The following TBC1D12 variants were observed in gnomAD, a reference collection of about 807,000 sequenced individuals.
The protein encoded by TBC1D12 is TBC1 domain family member 12.
A neutral mutation model predicts 86.7 loss-of-function variants in TBC1D12; 56 were observed. The observed-to-expected ratio is 0.65, with a 90% CI of 0.52 to 0.81. The LOEUF (loss-of-function observed/expected upper bound fraction) is 0.81. Ranked by LOEUF, TBC1D12 falls within the 30% of genes least tolerant of loss-of-function variation. The pLI, the probability that TBC1D12 is intolerant of heterozygous loss-of-function variation, is 0.00. For missense variants in TBC1D12, 1,023 were observed against 1,038.8 expected, an observed-to-expected ratio of 0.98 and a Z score of 0.21; for synonymous variants, 421 against 411.7, an observed-to-expected ratio of 1.02 and a Z score of -0.27.
At position 94,403,132 on chromosome 10, in the gene TBC1D12, C is replaced by T. The variant is rs1564930704; in HGVS notation, c.519C>T (p.Arg173=). 3 of 1,397,952 alleles carry T rather than the reference C, an allele frequency of 2.1e-6. No homozygotes were observed. The East Asian group carries it at 9.2e-5, about 43-fold the overall frequency. 86.6% of individuals were successfully genotyped at this position (1,397,952 alleles called of 1,614,324 possible). A position where few individuals can be genotyped will look rare whatever the true frequency, so the allele number is the denominator to read the frequency against. The change falls in exon 1 of 13, where the codon CGC becomes CGT. Residue 173 remains arginine, a synonymous_variant. Coordinates refer to ENST00000225235, the MANE Select transcript of TBC1D12 (RefSeq NM_015188.2). ...GCCGCCGCCCCTACGGCCGCCTTCG[C>T]CTGGAGGGGCCTGGCGACGAGGACG... The part of the protein sequence containing the change: ...SRRRRPYGRL[R]LEGPGDEDAD...
chr10:94,432,270 G>C (rs1486129082), intron 1 of TBC1D12, among the ~76,000 whole-genome samples: 1 of 152,064 alleles, frequency 6.6e-6, no homozygotes, highest in Non-Finnish European at 1.5e-5. Flanking sequence ...AAGGGATGGG[G>C]CGTCAAAAGA....
chr10:94,480,467 A>T (rs962775541), intron 3 of TBC1D12, among the ~76,000 whole-genome samples: 2 of 152,110 alleles, frequency 1.3e-5, no homozygotes, highest in African/African-American at 4.8e-5. Flanking sequence ...CACCATATCA[A>T]CTAGCCAACA....
rs926008229 is a variant in TBC1D12 at position 94,524,823 on chromosome 10, T to A, written c.2000+2370T>A. On this transcript the variant is annotated intron_variant, in intron 11 of 12. Transcript: ENST00000225235. ...TTTTATTTTTTCGTTCATTAAAAAA[T>A]TTTTTTTTTATTTTTTATTTTTTGA... Among the ~76,000 whole-genome samples, 80 of 151,026 alleles carry A rather than the reference T, an allele frequency of 5.3e-4. 1 individual carries two copies. The highest frequency in any genetic ancestry group is 1.9e-3 in the East Asian group (10 of 5,160).
rs778640334 is a variant in TBC1D12 at position 94,403,498 on chromosome 10, G to T, written c.885G>T (p.Pro295=). ...ARDHLPPAGP[P]VPLPAAEQGP... ...ATCACCTGCCCCCGGCGGGGCCGCC[G>T]GTGCCCTTGCCCGCCGCGGAGCAGG... Residue 295 remains proline (P), a synonymous_variant, in exon 1 of 13, where the codon CCG becomes CCT. Transcript: ENST00000225235. The T allele has an allele frequency of 2.6e-6, 4 of 1,549,528 alleles. No individual in the cohort carries two copies. The highest frequency in any genetic ancestry group is 1.4e-5 in the African/African-American group (1 of 71,222).
chr10:94,521,882 G>A, intron 9 of TBC1D12, 73 bp from the exon 10 acceptor site: 1 of 1,312,466 alleles, frequency 7.6e-7, no homozygotes, highest in East Asian at 2.5e-5. Context: ...TAATTTTTCA[G>A]GAGTACAATA....
intron 1 of TBC1D12, among the ~76,000 whole-genome samples, chr10:94,427,509 C>G (rs1207885040): frequency 6.6e-6 from 1 of 151,970 alleles, no homozygotes; most frequent in East Asian, 1.9e-4. Flanking sequence ...TAAATGTATT[C>G]TATTTTGTTC....
In TBC1D12 at chr10:94,459,805, C is replaced by T. The variant is rs1003373637; in HGVS notation, c.1096-14863C>T. Among the ~76,000 whole-genome samples, 6 of 152,182 alleles carry T rather than the reference C, an allele frequency of 3.9e-5. No homozygotes were observed. The East Asian group carries it at 9.7e-4, about 25-fold the overall frequency. ...CAGCAGCTCCAAGTGTGGGGCTTGCCGAGCCCGCACCCACCCGGAACTTGC... is the reference window on the plus strand; with the variant it reads ...CAGCAGCTCCAAGTGTGGGGCTTGCTGAGCCCGCACCCACCCGGAACTTGC... On this transcript the variant is annotated intron_variant, in intron 2 of 12. Transcript: ENST00000225235.
Position 94,402,773 on chromosome 10 carries a change from G to A in TBC1D12, c.160G>A (p.Glu54Lys). Residue 54 changes from glutamate to lysine, a missense_variant, in exon 1 of 13, where the codon GAG becomes AAG. By Grantham distance (56) the Glu-to-Lys change is moderately conservative. Around this residue, in one of 2 missense-constraint regions of TBC1D12, gnomAD observed 628 missense variants for 531.1 expected, o/e 1.18. Coordinates refer to ENST00000225235, the MANE Select transcript of TBC1D12 (RefSeq NM_015188.2). ...TGTGGAGCCGCCGGAGGAGGCTGAC[G>A]AGGAGGAGGAGGCTGACGAGGAGGA... ...GAVEPPEEAD[E>K]EEEADEEEET... The A allele has an allele frequency of 3.9e-6, 6 of 1,528,396 alleles. No homozygotes were observed. The African/African-American group carries it at 6.9e-5, about 18-fold the overall frequency. The allele number at this position is 1,528,396 out of a possible 1,614,324, so 94.7% of individuals were successfully genotyped here. A position where few individuals can be genotyped will look rare whatever the true frequency, so the allele number is the denominator to read the frequency against.
intron 1 of TBC1D12, among the ~76,000 whole-genome samples, chr10:94,413,029 A>G (rs966367606): frequency 2.0e-5 from 3 of 152,204 alleles, no homozygotes; most frequent in African/African-American, 4.8e-5. Flanking sequence ...GACTATAACC[A>G]CTGAAATACT....
chr10:94,467,986 C>G (rs2055849619), intron 2 of TBC1D12, among the ~76,000 whole-genome samples: 1 of 152,162 alleles, frequency 6.6e-6, no homozygotes, highest in South Asian at 2.1e-4. Context: ...TTTGCAGACC[C>G]CATGAAAGCA....
Position 94,403,219 on chromosome 10 carries a change from C to T in TBC1D12, c.606C>T (p.Cys202=). The change falls in exon 1 of 13, where the codon TGC becomes TGT. Residue 202 remains cysteine, a synonymous_variant. Transcript: ENST00000225235. ...CGCTTGAGGACCCGCTGCGGAGCTG[C>T]TGCCTGGTGGCCGCGGACGCCCAGG... is the stretch of plus-strand genomic sequence containing the variant. ...ASPLEDPLRS[C]CLVAADAQEP... 6.6e-7 allele frequency: 1 copy of T among 1,506,084 alleles called. No homozygotes were observed. The highest frequency in any genetic ancestry group is 8.9e-7 in the Non-Finnish European group (1 of 1,129,544). The allele number at this position is 1,506,084 out of a possible 1,614,324, so 93.3% of individuals were successfully genotyped here. A position where few individuals can be genotyped will look rare whatever the true frequency, so the allele number is the denominator to read the frequency against.
In TBC1D12 at chr10:94,486,046, CA is replaced by C. The variant is rs200585080; in HGVS notation, c.1212-7312del. The stretch of plus-strand genomic sequence containing the variant: ...GGTTTCTCAATTTTGTTTTTCTTTT[CA>C]AAAAAACCAACTTTTTGTTTTGTTG... On this transcript the variant is annotated intron_variant, in intron 3 of 12. Transcript: ENST00000225235. 7.9e-3 allele frequency among the ~76,000 whole-genome samples: 1,195 copies of C among 150,586 alleles called. 16 individuals are homozygous for C. The highest frequency in any genetic ancestry group is 0.028 in the African/African-American group (1,140 of 41,148).
intron 1 of TBC1D12, among the ~76,000 whole-genome samples, chr10:94,414,881 A>T (rs2054978433): frequency 6.6e-6 from 1 of 152,034 alleles, no homozygotes; most frequent in African/African-American, 2.4e-5. Flanking sequence ...ATTACAGGCA[A>T]ACTGAACTAT....
chr10:94,426,623 C>T (rs1443477863), intron 1 of TBC1D12, among the ~76,000 whole-genome samples: 1 of 152,196 alleles, frequency 6.6e-6, no homozygotes, highest in Non-Finnish European at 1.5e-5. Flanking sequence ...GTCACCCAGG[C>T]TGGAGTGCAG....
At chr10:94,445,692 A>C (rs2055452129) in intron 2 of TBC1D12, among the ~76,000 whole-genome samples, 1 of 152,022 alleles carries the variant, frequency 6.6e-6, no homozygotes, top group Admixed American at 6.6e-5. Flanking sequence ...TCACACCTTT[A>C]ATTCTAGCAC....
At position 94,403,125 on chromosome 10, in the gene TBC1D12, GC is replaced by G; in HGVS notation, c.514del (p.Leu172PhefsTer108). 1.4e-6 allele frequency: 2 copies of G among 1,390,424 alleles called. No individual in the cohort carries two copies. The highest frequency in any genetic ancestry group is 1.9e-6 in the Non-Finnish European group (2 of 1,078,568). 86.1% of individuals were successfully genotyped at this position (1,390,424 alleles called of 1,614,324 possible). A position where few individuals can be genotyped will look rare whatever the true frequency, so the allele number is the denominator to read the frequency against. ...TCGCGCCGCCGCCGCCCCTACGGCC[GC>G]CTTCGCCTGGAGGGGCCTGGCGACG... Reference protein sequence around the residue: ...RESRRRRPYGRLRLEGPGDED... With the variant: ...RESRRRRPYGXLRLEGPGDED... On this transcript the variant is annotated frameshift_variant, in exon 1 of 13. Transcript: ENST00000225235. LOFTEE classifies it high-confidence loss of function.
Position 94,535,433 on chromosome 10 carries a change from G to A in TBC1D12, c.*2337G>A, listed in dbSNP as rs1171415884. 6.6e-6 allele frequency: 1 copy of A among 152,046 alleles called. No homozygotes were observed. The highest frequency in any genetic ancestry group is 2.1e-4 in the South Asian group (1 of 4,814). The allele number at this position is 152,046 out of a possible 1,614,324, so 9.4% of individuals were successfully genotyped here. On this transcript the variant is annotated 3_prime_UTR_variant, in exon 13 of 13. Coordinates refer to ENST00000225235, the MANE Select transcript of TBC1D12 (RefSeq NM_015188.2). ...ATAGTTTTCAAACTAACAAGCCTGC[G>A]ATCCTTGTTAGTGTAGTGACTGCCT...
chr10:94,478,700 A>G (rs998366079), intron 3 of TBC1D12, among the ~76,000 whole-genome samples: 2 of 152,222 alleles, frequency 1.3e-5, no homozygotes, highest in Admixed American at 6.5e-5. Context: ...ACAAACTCCA[A>G]CCACATTTAA....
chr10:94,518,303 C>T (rs546253137), intron 9 of TBC1D12, among the ~76,000 whole-genome samples: 1 of 151,936 alleles, frequency 6.6e-6, no homozygotes, highest in Non-Finnish European at 1.5e-5. Flanking sequence ...AACCTCCGCC[C>T]TCTGGGTTCA....
Sources: allele counts gnomAD v4.1 joint callset (sites outside exome capture counted in the v4.1 genomes callset), GRCh38; gene constraint gnomAD v4.1.1; regional missense constraint gnomAD v4.1.1; transcripts MANE v1.5; gene names NCBI Gene and HGNC (gene_info 2026-07-23, HGNC 2026-07-21).